ASXL3: variants seen among roughly 807,000 people sequenced by gnomAD.
ASXL3 encodes the protein putative Polycomb group protein ASXL3.
A neutral mutation model predicts 170.6 loss-of-function variants in ASXL3; 34 were observed. The observed-to-expected ratio is 0.20, with a 90% confidence interval of 0.15 to 0.27. The LOEUF is 0.27. Among genes scored for constraint, ASXL3 ranks in the 10% least tolerant of loss-of-function variants. The pLI, the probability that ASXL3 is intolerant of heterozygous loss-of-function variation, is 1.00. For synonymous variants in ASXL3, 1,002 were observed against 989.1 expected, an observed-to-expected ratio of 1.01 and a Z score of -0.24; for missense variants, 2,592 against 2,695.3, an observed-to-expected ratio of 0.96 and a Z score of 0.85.
intron 8 of ASXL3, among the ~76,000 whole-genome samples, chr18:33,704,956 A>C (rs1244874403): frequency 6.6e-6 from 1 of 151,838 alleles, no homozygotes; most frequent in Non-Finnish European, 1.5e-5. Context: ...GTTCTTAGTT[A>C]AATTTTTCTT....
intron 5 of ASXL3, among the ~76,000 whole-genome samples, chr18:33,662,494 G>A (rs1185051250): frequency 1.3e-5 from 2 of 152,164 alleles, no homozygotes; most frequent in African/African-American, 4.8e-5. Context: ...ATGGTAGAGT[G>A]AGTGGCTCAT....
At chr18:33,611,185 T>C (rs2065331747) in intron 2 of ASXL3, among the ~76,000 whole-genome samples, 2 of 152,210 alleles carry the variant, frequency 1.3e-5, no homozygotes, top group Non-Finnish European at 1.5e-5. Context: ...CTCATCTTCA[T>C]ATTATTGATG....
At chr18:33,620,614 T>C (rs1180073416) in intron 2 of ASXL3, among the ~76,000 whole-genome samples, 1 of 152,190 alleles carries the variant, frequency 6.6e-6, no homozygotes, top group Non-Finnish European at 1.5e-5. Context: ...TTCTTTTTTA[T>C]TGTATTACTA....
At chr18:33,668,418 A>C in intron 5 of ASXL3, among the ~76,000 whole-genome samples, 1 of 134,580 alleles carries the variant, frequency 7.4e-6, no homozygotes. Context: ...TCAGAGCGAG[A>C]CTCCATCTCA....
chr18:33,629,814 C>T (rs62092362), intron 2 of ASXL3, among the ~76,000 whole-genome samples: 14,238 of 152,008 alleles, frequency 0.094, 759 homozygotes, highest in African/African-American at 0.13. Flanking sequence ...GTAATACTTA[C>T]ATAACTGATT....
chr18:33,647,800 A>AT (rs2065937545), intron 4 of ASXL3, among the ~76,000 whole-genome samples: 1 of 152,098 alleles, frequency 6.6e-6, no homozygotes, highest in Admixed American at 6.6e-5. Context: ...AGCAAAATAA[A>AT]TATCTAAAAT....
rs1037753388 is a variant in ASXL3 at position 33,713,361 on chromosome 18, G to A, written c.880-18607G>A. Among the ~76,000 whole-genome samples, 17 of 136,324 alleles carry A rather than the reference G, an allele frequency of 1.2e-4. 1 individual carries two copies. The highest frequency in any genetic ancestry group is 4.1e-4 in the African/African-American group (15 of 36,730). The allele number at this position is 136,324 out of a possible 152,430, so 89.4% of individuals were successfully genotyped here. On this transcript the variant is annotated intron_variant, in intron 8 of 11. Transcript: ENST00000269197. The stretch of plus-strand genomic sequence containing the variant: ...CCTCCACCCCCCCCCGGGTTCAAGT[G>A]ATTCTCCTGCCTCAGCCTCCTCAGT...
intron 8 of ASXL3, among the ~76,000 whole-genome samples, chr18:33,687,194 A>G (rs1444066329): frequency 3.9e-5 from 6 of 152,204 alleles, no homozygotes; most frequent in Non-Finnish European, 7.3e-5. Flanking sequence ...TAGAGCTAGT[A>G]TGCTCTCTTT....
Position 33,740,220 on chromosome 18 carries a change from C to A in ASXL3, c.2816C>A (p.Thr939Asn). 3 of 1,613,730 alleles carry A rather than the reference C, an allele frequency of 1.9e-6. No homozygotes were observed. The highest frequency in any genetic ancestry group is 1.1e-5 in the South Asian group (1 of 91,064). ...STQSRLETSH[T>N]SKSSEPSKSP... is the part of the protein sequence containing the mutation. ...CAGAGTCGGTTAGAAACCTCACATA[C>A]TTCCAAGTCATCAGAGCCCTCCAAG... is the stretch of plus-strand genomic sequence containing the variant. The change falls in exon 11 of 12, where the codon ACT becomes AAT. Residue 939 changes from threonine (T) to asparagine (N), a missense_variant. Coordinates refer to ENST00000269197, the MANE Select transcript of ASXL3 (RefSeq NM_030632.3).
intron 10 of ASXL3, 104 bp downstream of exon 10, chr18:33,734,519 T>C (rs1186616740): frequency 8.2e-6 from 5 of 608,252 alleles, no homozygotes; most frequent in Non-Finnish European, 1.3e-5. Context: ...AATAAACCTG[T>C]GATAAAAGGC....
chr18:33,593,356 C>T (rs979167478), intron 1 of ASXL3, among the ~76,000 whole-genome samples: 7 of 143,620 alleles, frequency 4.9e-5, no homozygotes, highest in Admixed American at 3.0e-4. Flanking sequence ...CTCAGAGATT[C>T]CAGTCTATGT....
At chr18:33,716,612 A>T (rs796984787) in intron 8 of ASXL3, among the ~76,000 whole-genome samples, 45 of 152,200 alleles carry the variant, frequency 3.0e-4, no homozygotes, top group African/African-American at 1.1e-3. Context: ...GGTGTAATTT[A>T]GGTGGCATGT....
intron 4 of ASXL3, among the ~76,000 whole-genome samples, chr18:33,653,664 G>A (rs2066036263): frequency 6.6e-6 from 1 of 151,972 alleles, no homozygotes; most frequent in African/African-American, 2.4e-5. Flanking sequence ...AGATCATGAA[G>A]CCCTGTTTCC....
intron 5 of ASXL3, 117 bp from the exon 6 acceptor site, chr18:33,670,556 G>A (rs1483262946): frequency 1.6e-6 from 1 of 640,190 alleles, no homozygotes; most frequent in East Asian, 3.2e-5. Flanking sequence ...GGGCTCTGTG[G>A]AATTTAAGTC....
At chr18:33,717,338 T>C (rs1194032005) in intron 8 of ASXL3, among the ~76,000 whole-genome samples, 1 of 152,140 alleles carries the variant, frequency 6.6e-6, no homozygotes, top group East Asian at 1.9e-4. Context: ...TAAGGGCATA[T>C]TTGAGAATGC....
rs1161466541 is a variant in ASXL3, at chr18:33,578,602, C to T, written c.-30C>T. The T allele has an allele frequency of 2.3e-6, 3 of 1,284,958 alleles. No homozygotes were observed. The African/African-American group carries it at 4.7e-5, about 20-fold the overall frequency. 79.6% of individuals were successfully genotyped at this position (1,284,958 alleles called of 1,614,324 possible). A position where few individuals can be genotyped will look rare whatever the true frequency, so the allele number is the denominator to read the frequency against. On this transcript the variant is annotated 5_prime_UTR_variant, in exon 1 of 12. Coordinates refer to ENST00000269197, the MANE Select transcript of ASXL3 (RefSeq NM_030632.3). ...GAGCACCCCGTGGAATCCCCCACGT[C>T]ATCATCAGAACCATCAATGAGATGC... is the stretch of plus-strand genomic sequence containing the variant.
At chr18:33,740,726 G>T (rs943049343) in intron 11 of ASXL3, among the ~76,000 whole-genome samples, 2 of 152,182 alleles carry the variant, frequency 1.3e-5, no homozygotes, top group African/African-American at 4.8e-5. Flanking sequence ...GGTTTATGGG[G>T]ATTTCAAGGT....
intron 8 of ASXL3, among the ~76,000 whole-genome samples, chr18:33,717,358 A>C (rs185116365): frequency 1.5e-3 from 226 of 152,224 alleles, no homozygotes; most frequent in Non-Finnish European, 2.4e-3. Context: ...CTATGATTTA[A>C]AGGATCACAA....
Position 33,743,934 on chromosome 18 carries a change from A to G in ASXL3, c.4086A>G (p.Pro1362=), listed in dbSNP as rs958935417. The change falls in exon 12 of 12, where the codon CCA becomes CCG. Residue 1362 remains proline, a synonymous_variant. Coordinates refer to ENST00000269197, the MANE Select transcript of ASXL3 (RefSeq NM_030632.3). ...CCACTAGCTCTGTCTTGATTCCCCCAATGGGAATTAACAACAGATTTCCTT... is the reference window on the plus strand; with the variant it reads ...CCACTAGCTCTGTCTTGATTCCCCCGATGGGAATTAACAACAGATTTCCTT... ...NLSTSSVLIP[P]MGINNRFPSE... 1 of 1,613,944 alleles carries G rather than the reference A, an allele frequency of 6.2e-7. No homozygotes were observed. The highest frequency in any genetic ancestry group is 2.2e-5 in the East Asian group (1 of 44,868).
Sources: gnomAD v4.1 joint callset for allele counts (sites outside exome capture counted in the v4.1 genomes callset) on GRCh38, gnomAD v4.1.1 for gene constraint, MANE v1.5 for transcripts, NCBI Gene and HGNC (gene_info 2026-07-23, HGNC 2026-07-21) for gene names.